The following CES5A variants were observed in gnomAD, a reference collection of about 807,000 sequenced individuals.
CES5A encodes carboxylesterase 5.
CES5A carries 67 observed loss-of-function variants against 62.9 expected under a neutral mutation model. That is an observed-to-expected ratio of 1.07 (90% CI 0.88 to 1.31). The LOEUF (loss-of-function observed/expected upper bound fraction) is 1.31. CES5A is among the 50% of genes most tolerant of loss of function. The probability of loss-of-function intolerance (pLI) is 0.00; values close to 1 mark genes in which losing one functional copy is unlikely to be tolerated. For missense variants in CES5A, 748 were observed against 708.5 expected (o/e 1.06, Z -0.63); for synonymous variants, 296 against 280.8 (o/e 1.05, Z -0.54).
intron 9 of CES5A, among the ~76,000 whole-genome samples, chr16:55,856,143 G>A (rs1316690266): frequency 6.6e-6 from 1 of 152,072 alleles, no homozygotes; most frequent in African/African-American, 2.4e-5. Context: ...TTCCTGTACA[G>A]CCTGCAGCAT....
At chr16:55,849,112 G>T (rs570979800) in intron 11 of CES5A, among the ~76,000 whole-genome samples, 1 of 152,050 alleles carries the variant, frequency 6.6e-6, no homozygotes, top group Non-Finnish European at 1.5e-5. Context: ...TCATCTGATT[G>T]GTTTATTTTA....
chr16:55,854,419 C>A (rs1192816753), intron 9 of CES5A, among the ~76,000 whole-genome samples: 2 of 151,946 alleles, frequency 1.3e-5, no homozygotes, highest in East Asian at 3.9e-4. Flanking sequence ...CACTGTATAA[C>A]TTATATCATC....
rs1054256560 is a variant in CES5A, at chr16:55,907,775, C to T, written c.-256+17548G>A. Among the ~76,000 whole-genome samples, 9 of 152,110 alleles carry T rather than the reference C, an allele frequency of 5.9e-5. 1 individual carries two copies. In the South Asian group the frequency reaches 6.2e-4, roughly 11 times the overall value. ...GGGGGAGGGTGCGAAGAGATGAGCT[C>T]GACCTGACAGGACAAGTCTCCTCAC... is the stretch of plus-strand genomic sequence containing the variant. On this transcript the variant is annotated intron_variant, in intron 1 of 12. Coordinates refer to the CES5A transcript ENST00000518005.
Position 55,875,299 on chromosome 16 carries a change from G to A in CES5A, c.-78C>T. ...GAGCTTCAGTTGGGAGCCAGAAAGA[G>A]CTTCCTGTTAACAGGCAAATGCTGA... On this transcript the variant is annotated 5_prime_UTR_variant, in exon 1 of 13. Transcript: ENST00000290567. The A allele has an allele frequency of 6.4e-7, 1 of 1,573,418 alleles. No individual in the cohort carries two copies. Among genetic ancestry groups the A allele is most frequent in the East Asian group, 2.3e-5 (1 of 44,286 alleles).
chr16:55,906,396 T>C lies in CES5A; in HGVS notation c.-256+18927A>G, dbSNP rs376139722. On this transcript the variant is annotated intron_variant, in intron 1 of 12. Coordinates refer to the CES5A transcript ENST00000518005. The stretch of plus-strand genomic sequence containing the variant: ...TGGATTCTCCCAGTCAGCAAAGAGT[T>C]GGGAACAGGGTGGTCACAGAGGAGC... Among the ~76,000 whole-genome samples, 7 of 152,226 alleles carry C rather than the reference T, an allele frequency of 4.6e-5. No individual in the cohort carries two copies. The East Asian group carries it at 9.7e-4, about 21-fold the overall frequency.
chr16:55,954,486 T>C (rs569620105), intron 1 of CES5A, among the ~76,000 whole-genome samples: 4 of 152,162 alleles, frequency 2.6e-5, no homozygotes, highest in South Asian at 2.1e-4. Flanking sequence ...AAAACCAGGG[T>C]GGCCAAACAG....
At chr16:55,927,457 C>T (rs1345301795), upstream of CES5A, among the ~76,000 whole-genome samples, 1 of 152,142 alleles carries the variant, frequency 6.6e-6, no homozygotes, top group Admixed American at 6.5e-5. Context: ...GGGCAAACTA[C>T]ATGAATAGAC....
intron 10 of CES5A, 149 bp downstream of exon 10, chr16:55,852,732 T>G: frequency 1.3e-6 from 1 of 770,170 alleles, no homozygotes; most frequent in East Asian, 2.7e-5. Flanking sequence ...CAGGTCCCCA[T>G]GGCATGTTTC....
chr16:55,889,608 G>A (rs1416187076), intron 1 of CES5A, among the ~76,000 whole-genome samples: 3 of 151,868 alleles, frequency 2.0e-5, no homozygotes, highest in African/African-American at 7.3e-5. Context: ...CCCCACCCCT[G>A]ACCCTAAACC....
chr16:55,915,145 C>T (rs963058818), intron 1 of CES5A, among the ~76,000 whole-genome samples: 2 of 152,190 alleles, frequency 1.3e-5, no homozygotes, highest in African/African-American at 2.4e-5. Context: ...TAGCCACCCC[C>T]ACCCCCAAAC....
chr16:55,952,606 A>G (rs796094095), intron 1 of CES5A, among the ~76,000 whole-genome samples: 6 of 152,258 alleles, frequency 3.9e-5, no homozygotes, highest in African/African-American at 1.4e-4. Flanking sequence ...TACAAAGCAC[A>G]TTTCAAATTA....
intron 1 of CES5A, among the ~76,000 whole-genome samples, chr16:55,892,105 A>G (rs2033886280): frequency 6.6e-6 from 1 of 152,218 alleles, no homozygotes; most frequent in African/African-American, 2.4e-5. Context: ...AAGGGCAGCC[A>G]CTATGAGACT....
At chr16:55,913,740 A>G (rs2034118536) in intron 1 of CES5A, among the ~76,000 whole-genome samples, 1 of 152,208 alleles carries the variant, frequency 6.6e-6, no homozygotes, top group Non-Finnish European at 1.5e-5. Flanking sequence ...CTGTTTAATC[A>G]CCATCATCTG....
Position 55,859,605 on chromosome 16 carries a change from T to G in CES5A, c.998A>C (p.Lys333Thr). 4 of 1,613,834 alleles carry G rather than the reference T, an allele frequency of 2.5e-6. No homozygotes were observed. The highest frequency in any genetic ancestry group is 3.4e-6 in the Non-Finnish European group (4 of 1,179,892). ...PLDLLSQKAF[K>T]AIPSIIGVNN... The stretch of plus-strand genomic sequence containing the variant: ...GACTCCGATGATGGAAGGAATTGCT[T>G]TAAATGCTTTCTGAGACAATAGATC... Residue 333 changes from lysine (K) to threonine (T), a missense_variant, in exon 8 of 13, where the codon AAA (lysine) becomes ACA (threonine). By Grantham distance (78) the Lys-to-Thr change is moderately conservative. Transcript: ENST00000290567.
At chr16:55,944,346 A>G in intron 2 of CES5A, 1 of 509,874 alleles carries the variant, frequency 2.0e-6, no homozygotes, top group African/African-American at 1.9e-5. Flanking sequence ...TTTGAACAGA[A>G]TAAACTCTCT....
At chr16:55,922,984 GA>G (rs1193609676) in intron 1 of CES5A, among the ~76,000 whole-genome samples, 12 of 151,352 alleles carry the variant, frequency 7.9e-5, no homozygotes, top group African/African-American at 2.7e-4. Flanking sequence ...AAAATTTATT[GA>G]AAAAAATGAA....
chr16:55,886,721 T>C (rs1381255357), intron 1 of CES5A, among the ~76,000 whole-genome samples: 2 of 152,168 alleles, frequency 1.3e-5, no homozygotes, highest in African/African-American at 4.8e-5. Flanking sequence ...TGGGGAGACA[T>C]GGTGACTCAT....
rs1277880331 is a variant in CES5A, at chr16:55,859,603, C to T, written c.1000G>A (p.Ala334Thr). ...LDLLSQKAFK[A>T]IPSIIGVNNH... Reference sequence around the variant, plus strand: ...TTGACTCCGATGATGGAAGGAATTGCTTTAAATGCTTTCTGAGACAATAGA... The same window carrying T: ...TTGACTCCGATGATGGAAGGAATTGTTTTAAATGCTTTCTGAGACAATAGA... Residue 334 changes from alanine to threonine, a missense_variant, in exon 8 of 13, where the codon GCA (alanine) becomes ACA (threonine). Physicochemically the swap from Ala to Thr is moderately conservative, Grantham distance 58. Coordinates refer to ENST00000290567, the MANE Select transcript of CES5A (RefSeq NM_001143685.2). The T allele has an allele frequency of 1.1e-5, 17 of 1,613,598 alleles. No homozygotes were observed. Among genetic ancestry groups the T allele is most frequent in the Non-Finnish European group, 1.4e-5 (16 of 1,179,864 alleles).
chr16:55,924,993 C>T (rs2034244207), intron 1 of CES5A, among the ~76,000 whole-genome samples: 1 of 151,972 alleles, frequency 6.6e-6, no homozygotes, highest in South Asian at 2.1e-4. Context: ...AAAGCACAGG[C>T]AACCAAAGCA....
Sources: allele counts gnomAD v4.1 joint callset (sites outside exome capture counted in the v4.1 genomes callset), GRCh38; gene constraint gnomAD v4.1.1; transcripts MANE v1.5; gene names NCBI Gene and HGNC (gene_info 2026-07-23, HGNC 2026-07-21).